Variants in WDR33 observed in about 807,000 individuals in gnomAD.
WDR33 encodes WD repeat domain 33.
WDR33 carries 47 observed loss-of-function variants against 164.9 expected under a neutral mutation model. The observed-to-expected ratio is 0.29, with a 90% CI of 0.23 to 0.36. The LOEUF (loss-of-function observed/expected upper bound fraction) is 0.36. Among genes scored for constraint, WDR33 ranks in the 10% least tolerant of loss-of-function variants. WDR33 has a pLI of 1.00. For synonymous variants in WDR33, 505 were observed against 589.0 expected, an observed-to-expected ratio of 0.86 and a Z score of 2.06; for missense variants, 1,137 against 1,754.1, an observed-to-expected ratio of 0.65 and a Z score of 6.28.
At chr2:127,754,742 C>G (rs142607576) in intron 7 of WDR33, among the ~76,000 whole-genome samples, 4 of 152,056 alleles carry the variant, frequency 2.6e-5, no homozygotes, top group Admixed American at 6.5e-5. Flanking sequence ...TATCTTTCCA[C>G]AGGAAAAAAA....
At chr2:127,792,915 C>G (rs939368873) in intron 1 of WDR33, among the ~76,000 whole-genome samples, 2 of 151,870 alleles carry the variant, frequency 1.3e-5, no homozygotes, top group Non-Finnish European at 2.9e-5. Context: ...ATGAAACAAA[C>G]AAAGCAGGCC....
rs1686485542 is a variant in WDR33, at chr2:127,723,280, C to T, written c.1264G>A (p.Gly422Arg). The T allele has an allele frequency of 6.2e-7, 1 of 1,613,814 alleles. No individual in the cohort carries two copies. Among genetic ancestry groups the T allele is most frequent in the Non-Finnish European group, 8.5e-7 (1 of 1,179,964 alleles). Residue 422 changes from glycine to arginine, a missense_variant, in exon 12 of 22, where the codon GGA (glycine) becomes AGA (arginine). Coordinates refer to ENST00000322313, the MANE Select transcript of WDR33 (RefSeq NM_018383.5). The surrounding 1 kb of genome is among the most constrained non-coding windows in gnomAD (Gnocchi z 5.9). Reference sequence around the variant, plus strand: ...TATTCTACTCCATCTTCAGACATTCCAGGTAAAAGGTTTAGATTATATCGA... The same window carrying T: ...TATTCTACTCCATCTTCAGACATTCTAGGTAAAAGGTTTAGATTATATCGA... Reference protein sequence around the residue: ...RDRYNLNLLPGMSEDGVEYDD... With the variant: ...RDRYNLNLLPRMSEDGVEYDD...
intron 1 of WDR33, among the ~76,000 whole-genome samples, chr2:127,791,513 C>T (rs1434617022): frequency 1.3e-5 from 2 of 152,094 alleles, no homozygotes; most frequent in Non-Finnish European, 1.5e-5. Flanking sequence ...GAAAGAGAAA[C>T]AGCAAACTTT....
At chr2:127,707,629 G>A (rs1686052622) in intron 21 of WDR33, among the ~76,000 whole-genome samples, 1 of 152,168 alleles carries the variant, frequency 6.6e-6, no homozygotes, top group Non-Finnish European at 1.5e-5. Context: ...TTTATGCAGG[G>A]TGATCTATTG....
intron 1 of WDR33, among the ~76,000 whole-genome samples, chr2:127,784,563 T>C (rs1401340330): frequency 1.3e-5 from 2 of 152,108 alleles, no homozygotes; most frequent in Non-Finnish European, 2.9e-5. Context: ...TTATATTTTG[T>C]AGAGATGGGG....
chr2:127,807,273 T>C (rs1689473688), intron 1 of WDR33, among the ~76,000 whole-genome samples: 1 of 152,214 alleles, frequency 6.6e-6, no homozygotes, highest in African/African-American at 2.4e-5. Flanking sequence ...CCCAAAGTGC[T>C]GGGATTACAG....
intron 1 of WDR33, among the ~76,000 whole-genome samples, chr2:127,809,031 C>CAA (rs11305287): frequency 0.023 from 1,979 of 84,800 alleles, 26 homozygotes; most frequent in East Asian, 0.033. Context: ...ACTCTTGTCT[C>CAA]AAAAAAAAAA....
chr2:127,809,643 T>G (rs1385674773), intron 1 of WDR33, among the ~76,000 whole-genome samples: 2 of 151,876 alleles, frequency 1.3e-5, no homozygotes, highest in East Asian at 3.9e-4. Context: ...GCCATGTTGG[T>G]CAGGCTGGTC....
At position 127,705,645 on chromosome 2, in the gene WDR33, C is replaced by T. The variant is rs1266433912; in HGVS notation, c.*678G>A. On this transcript the variant is annotated 3_prime_UTR_variant, in exon 22 of 22. Coordinates refer to ENST00000322313, the MANE Select transcript of WDR33 (RefSeq NM_018383.5). The surrounding 1 kb of genome is among the most constrained non-coding windows in gnomAD (Gnocchi z 4.5). ...GGACATCCAGAAGATTGCATTTTCT[C>T]TTCAGAGTACAATTTTCCATCTGTC... The T allele has an allele frequency of 2.0e-5, 3 of 152,224 alleles. No individual in the cohort carries two copies. Among genetic ancestry groups the T allele is most frequent in the African/African-American group, 2.4e-5 (1 of 41,464 alleles). 9.4% of individuals were successfully genotyped at this position (152,224 alleles called of 1,614,324 possible).
At position 127,701,301 on chromosome 2, in the gene WDR33, G is replaced by C; in HGVS notation, c.*5022C>G. On this transcript the variant is annotated 3_prime_UTR_variant, in exon 22 of 22. Transcript: ENST00000322313. ...GGGCGCCTACTCCGAACAAGGAAGA[G>C]GGTCAGGCGCTGGGAGGGCGACTGC... 1 of 357,942 alleles carries C rather than the reference G, an allele frequency of 2.8e-6. No individual in the cohort carries two copies. The highest frequency in any genetic ancestry group is 2.1e-5 in the African/African-American group (1 of 47,368). The allele number at this position is 357,942 out of a possible 1,614,324, so 22.2% of individuals were successfully genotyped here.
chr2:127,707,722 T>G (rs1686054669), intron 21 of WDR33, among the ~76,000 whole-genome samples: 1 of 152,180 alleles, frequency 6.6e-6, no homozygotes, highest in Non-Finnish European at 1.5e-5. Flanking sequence ...TGGTGGCTCA[T>G]GAGAGGCCAA....
intron 7 of WDR33, among the ~76,000 whole-genome samples, chr2:127,727,934 A>G (rs1686610292): frequency 1.3e-5 from 2 of 152,196 alleles, no homozygotes; most frequent in African/African-American, 4.8e-5. Flanking sequence ...AGTGATTTGT[A>G]CCCGTTCATA....
At chr2:127,744,994 C>G (rs1191070084) in intron 7 of WDR33, among the ~76,000 whole-genome samples, 1 of 152,186 alleles carries the variant, frequency 6.6e-6, no homozygotes, top group East Asian at 1.9e-4. Context: ...GCACTGCTAA[C>G]GAAGCCAGGT....
In WDR33 at chr2:127,714,722, A is replaced by C. The variant is rs958104506; in HGVS notation, c.2870-701T>G. Among the ~76,000 whole-genome samples, 1 of 152,206 alleles carries C rather than the reference A, an allele frequency of 6.6e-6. No homozygotes were observed. Among genetic ancestry groups the C allele is most frequent in the Admixed American group, 6.5e-5 (1 of 15,278 alleles). ...AAAATATGTGAAAATATGTACTGTA[A>C]TGAAAGTACTGAATAAAAATGGAAA... is the stretch of plus-strand genomic sequence containing the variant. On this transcript the variant is annotated intron_variant, in intron 17 of 21. Transcript: ENST00000322313. The surrounding 1 kb of genome is among the most constrained non-coding windows in gnomAD (Gnocchi z 4.3).
At chr2:127,790,200 G>T (rs1024848221) in intron 1 of WDR33, among the ~76,000 whole-genome samples, 1 of 152,314 alleles carries the variant, frequency 6.6e-6, no homozygotes, top group Middle Eastern at 3.4e-3. Context: ...CTAAAGAGAT[G>T]ATCATATGGT....
At chr2:127,766,571 C>T (rs552599783) in intron 4 of WDR33, among the ~76,000 whole-genome samples, 1 of 152,224 alleles carries the variant, frequency 6.6e-6, no homozygotes, top group East Asian at 1.9e-4. Flanking sequence ...TTCCTCAAAC[C>T]TTATAGCGTA....
chr2:127,737,769 G>C, intron 7 of WDR33: 1 of 1,279,012 alleles, frequency 7.8e-7, no homozygotes, highest in South Asian at 2.3e-5. Context: ...AAGCAAGGTA[G>C]AGGTGAATGA....
chr2:127,798,366 G>A (rs545599138), intron 1 of WDR33, among the ~76,000 whole-genome samples: 439 of 25,618 alleles, frequency 0.017, 2 homozygotes, highest in Admixed American at 0.02. Context: ...AGACACCGTC[G>A]CAAAAAAAAA....
At position 127,797,273 on chromosome 2, in the gene WDR33, C is replaced by G. The variant is rs772853127; in HGVS notation, c.-24+13739G>C. ...CTTTGGGAGGCTGAGGTAGGCAGATCATGAGGTCAGAAGTTCGATACCAGC... is the reference window on the plus strand; with the variant it reads ...CTTTGGGAGGCTGAGGTAGGCAGATGATGAGGTCAGAAGTTCGATACCAGC... On this transcript the variant is annotated intron_variant, in intron 1 of 21. Coordinates refer to ENST00000322313, the MANE Select transcript of WDR33 (RefSeq NM_018383.5). Among the ~76,000 whole-genome samples, 97 of 152,094 alleles carry G rather than the reference C, an allele frequency of 6.4e-4. 1 individual carries two copies. The highest frequency in any genetic ancestry group is 4.5e-3 in the Admixed American group (68 of 15,246).
Sources: gnomAD v4.1 joint callset for allele counts (sites outside exome capture counted in the v4.1 genomes callset) on GRCh38, gnomAD v4.1.1 for gene constraint, Gnocchi (gnomAD v3.1) non-coding constraint, MANE v1.5 for transcripts, NCBI Gene and HGNC (gene_info 2026-07-23, HGNC 2026-07-21) for gene names.